Variants in H2AZ2 observed in about 807,000 individuals in gnomAD.
H2AZ2 encodes histone H2A.V.
H2AZ2 carries 5 observed loss-of-function variants against 15.5 expected under a neutral mutation model. That is an observed-to-expected ratio of 0.32 (90% CI 0.17 to 0.68). H2AZ2 has a LOEUF of 0.68. H2AZ2 is among the 30% of genes least tolerant of loss of function. The pLI is 0.72. For synonymous variants in H2AZ2, 44 were observed against 57.4 expected (o/e 0.77, Z 1.05); for missense variants, 42 against 162.5 (o/e 0.26, Z 4.03).
chr7:44,845,414 A>G (rs1793373706), intron 1 of H2AZ2, among the ~76,000 whole-genome samples: 1 of 152,142 alleles, frequency 6.6e-6, no homozygotes, highest in African/African-American at 2.4e-5. Context: ...CAATTTTTGG[A>G]TTTTTGAGGT....
intron 1 of H2AZ2, among the ~76,000 whole-genome samples, chr7:44,847,389 ACTGCAAGGGG>A (rs1793436553): frequency 6.6e-6 from 1 of 152,172 alleles, no homozygotes; most frequent in African/African-American, 2.4e-5. Flanking sequence ...AAAACCGCAA[ACTGCAAGGGG>A]CTCAGAAGAT....
At chr7:44,836,336 T>C (rs144070214) in intron 3 of H2AZ2, among the ~76,000 whole-genome samples, 387 of 152,176 alleles carry the variant, frequency 2.5e-3, no homozygotes, top group African/African-American at 8.7e-3. Context: ...TATTTCTTAA[T>C]GCTTTTAGAA....
Position 44,834,455 on chromosome 7 carries a change from T to G in H2AZ2, c.*46A>C. On this transcript the variant is annotated 3_prime_UTR_variant, in exon 5 of 5. Transcript: ENST00000308153. The stretch of plus-strand genomic sequence containing the variant: ...ATCCCCATTATTTCTTCTGTCCCAG[T>G]TACAGTACAATGACGGGGAGGAAGA... The G allele has an allele frequency of 1.3e-6, 2 of 1,586,736 alleles. No individual in the cohort carries two copies. The highest frequency in any genetic ancestry group is 1.7e-6 in the Non-Finnish European group (2 of 1,165,426).
chr7:44,836,103 T>C (rs1793115252), intron 3 of H2AZ2, among the ~76,000 whole-genome samples: 1 of 151,806 alleles, frequency 6.6e-6, no homozygotes, highest in Non-Finnish European at 1.5e-5. Context: ...TGTGACCAGG[T>C]GAGCGCCACC....
rs767588880 is a variant in H2AZ2, at chr7:44,847,963, C to T, written c.3+6G>A. On this transcript the variant is annotated splice_donor_region_variant and intron_variant, in intron 1 of 4. Coordinates refer to ENST00000308153, the MANE Select transcript of H2AZ2 (RefSeq NM_012412.5). ...CCGTGCCCCCGGCCCACCCGGCCGC[C>T]CTTACCATGTTCTCGGCGCCGACTC... The T allele has an allele frequency of 4.0e-4, 601 of 1,486,552 alleles. No individual in the cohort carries two copies. The highest frequency in any genetic ancestry group is 5.1e-4 in the Non-Finnish European group (576 of 1,124,620). 92.1% of individuals were successfully genotyped at this position (1,486,552 alleles called of 1,614,324 possible).
At chr7:44,829,028 T>C (rs1468692159), downstream of H2AZ2, 1 of 152,232 alleles carries the variant, frequency 6.6e-6, no homozygotes, top group East Asian at 1.9e-4. Context: ...ATAATATCTC[T>C]ATTTTAGAAA....
At chr7:44,846,796 G>A (rs149450299) in intron 1 of H2AZ2, among the ~76,000 whole-genome samples, 2 of 152,108 alleles carry the variant, frequency 1.3e-5, no homozygotes, top group Middle Eastern at 3.4e-3. Flanking sequence ...CTATACGTGA[G>A]ACGTTGGAAG....
intron 2 of H2AZ2, among the ~76,000 whole-genome samples, chr7:44,842,117 T>G (rs973115684): frequency 6.6e-6 from 1 of 152,240 alleles, no homozygotes; most frequent in Non-Finnish European, 1.5e-5. Flanking sequence ...GCAAGATTTA[T>G]GTCTTCTTTT....
At chr7:44,847,938 C>G in intron 1 of H2AZ2, 31 bp downstream of exon 1, 2 of 1,510,534 alleles carry the variant, frequency 1.3e-6, no homozygotes, top group South Asian at 1.2e-5. Context: ...CTCCCAGGCC[C>G]CGTGCCCCCG....
At chr7:44,828,293 G>A (rs1792953229), downstream of H2AZ2, 1 of 152,120 alleles carries the variant, frequency 6.6e-6, no homozygotes, top group African/African-American at 2.4e-5. Context: ...ACTGGTCTGG[G>A]AGTCCCAGTT....
At chr7:44,839,066 C>G (rs1181699405) in intron 3 of H2AZ2, among the ~76,000 whole-genome samples, 1 of 152,198 alleles carries the variant, frequency 6.6e-6, no homozygotes, top group Non-Finnish European at 1.5e-5. Context: ...CCTGAAATTT[C>G]AAACTGAGTA....
chr7:44,837,300 G>A (rs1765839850), intron 3 of H2AZ2, among the ~76,000 whole-genome samples: 1 of 151,070 alleles, frequency 6.6e-6, no homozygotes, highest in African/African-American at 2.4e-5. Flanking sequence ...GCACACGCCT[G>A]TAATCCCAGC....
intron 2 of H2AZ2, among the ~76,000 whole-genome samples, chr7:44,841,556 C>T (rs1793276819): frequency 1.3e-5 from 2 of 152,192 alleles, no homozygotes; most frequent in African/African-American, 4.8e-5. Flanking sequence ...GTCACCCAGG[C>T]TGGAGTGCAG....
intron 3 of H2AZ2, among the ~76,000 whole-genome samples, chr7:44,835,896 G>GT (rs1793106946): frequency 6.6e-6 from 1 of 151,242 alleles, no homozygotes; most frequent in South Asian, 2.1e-4. Flanking sequence ...AGAAATAAAG[G>GT]TAAGGACAGG....
In H2AZ2 at chr7:44,845,769, A is replaced by T. The variant is rs377154969; in HGVS notation, c.3+2200T>A. Reference sequence around the variant, plus strand: ...AATCCATTAAATGACTATTTCCAACATTTAGAGATTCCTGATACATTTCTC... The same window carrying T: ...AATCCATTAAATGACTATTTCCAACTTTTAGAGATTCCTGATACATTTCTC... On this transcript the variant is annotated intron_variant, in intron 1 of 4. Coordinates refer to ENST00000308153, the MANE Select transcript of H2AZ2 (RefSeq NM_012412.5). 2.8e-4 allele frequency among the ~76,000 whole-genome samples: 42 copies of T among 152,302 alleles called. 1 individual carries two copies. The South Asian group carries it at 7.7e-3, about 28-fold the overall frequency.
chr7:44,841,296 T>G (rs1338937268), intron 2 of H2AZ2, among the ~76,000 whole-genome samples: 1 of 152,190 alleles, frequency 6.6e-6, no homozygotes, highest in African/African-American at 2.4e-5. Flanking sequence ...ATGGATCAAA[T>G]TCCTATCTAG....
At chr7:44,838,760 G>A (rs938135087) in intron 3 of H2AZ2, among the ~76,000 whole-genome samples, 7 of 152,056 alleles carry the variant, frequency 4.6e-5, no homozygotes, top group Admixed American at 3.3e-4. Context: ...ATCCCCAGTG[G>A]GACACAGATG....
intron 1 of H2AZ2, among the ~76,000 whole-genome samples, chr7:44,846,964 A>T (rs1281240974): frequency 2.6e-5 from 4 of 152,168 alleles, no homozygotes; most frequent in Non-Finnish European, 5.9e-5. Flanking sequence ...TCGACTGGCC[A>T]ATCTGTTTAC....
At chr7:44,827,334 T>A (rs2053847555), downstream of H2AZ2, 1 of 152,230 alleles carries the variant, frequency 6.6e-6, no homozygotes, top group Admixed American at 6.5e-5. Context: ...CTCTACAGAC[T>A]ATCAGCATCT....
Sources: gnomAD v4.1 joint callset for allele counts (sites outside exome capture counted in the v4.1 genomes callset) on GRCh38, gnomAD v4.1.1 for gene constraint, MANE v1.5 for transcripts, NCBI Gene and HGNC (gene_info 2026-07-23, HGNC 2026-07-21) for gene names.